The following C1orf94 variants were observed in gnomAD, a reference collection of about 807,000 sequenced individuals.
C1orf94 encodes chromosome 1 open reading frame 94.
Under a neutral mutation model 53.6 loss-of-function variants are expected in C1orf94, and 45 were observed. That is an observed-to-expected ratio of 0.84 (90% confidence interval 0.66 to 1.08). The LOEUF (loss-of-function observed/expected upper bound fraction) is 1.08. Ranked by LOEUF, C1orf94 falls within the 50% of genes least tolerant of loss-of-function variation. The pLI, the probability that C1orf94 is intolerant of heterozygous loss-of-function variation, is 0.00. For synonymous variants in C1orf94, 304 were observed against 296.1 expected (o/e 1.03, Z -0.27); for missense variants, 762 against 738.9 (o/e 1.03, Z -0.36).
intron 1 of C1orf94, among the ~76,000 whole-genome samples, chr1:34,178,714 G>A (rs1642268298): frequency 6.6e-6 from 1 of 152,244 alleles, no homozygotes; most frequent in Non-Finnish European, 1.5e-5. Flanking sequence ...GAAACACAGA[G>A]CTAAGTGTTT....
intron 1 of C1orf94, among the ~76,000 whole-genome samples, chr1:34,184,834 GT>G (rs897127185): frequency 2.8e-4 from 42 of 147,824 alleles, no homozygotes; most frequent in East Asian, 1.2e-3. Context: ...GTTTTTTTTG[GT>G]TTTTTTTTTA....
chr1:34,207,472 CT>C (rs1642818936), intron 4 of C1orf94, among the ~76,000 whole-genome samples: 1 of 152,178 alleles, frequency 6.6e-6, no homozygotes, highest in Non-Finnish European at 1.5e-5. Flanking sequence ...CTGTTCTAAG[CT>C]CTTTAGATGT....
At chr1:34,169,422 G>T (rs1476136773) in intron 1 of C1orf94, among the ~76,000 whole-genome samples, 1 of 152,184 alleles carries the variant, frequency 6.6e-6, no homozygotes, top group Non-Finnish European at 1.5e-5. Flanking sequence ...GCCCAATGCA[G>T]TCTAGTGACT....
upstream of C1orf94, among the ~76,000 whole-genome samples, chr1:34,176,156 G>C (rs1642222694): frequency 6.6e-6 from 1 of 152,028 alleles, no homozygotes; most frequent in East Asian, 1.9e-4. Context: ...ATTATGAATG[G>C]GGATGGGAGA....
At chr1:34,191,994 A>T (rs1402140812) in intron 1 of C1orf94, among the ~76,000 whole-genome samples, 1 of 152,172 alleles carries the variant, frequency 6.6e-6, no homozygotes, top group Non-Finnish European at 1.5e-5. Context: ...CACCGCGTGG[A>T]GCTGGAGCCG....
At chr1:34,205,329 A>G (rs1204399414) in intron 4 of C1orf94, among the ~76,000 whole-genome samples, 1 of 152,220 alleles carries the variant, frequency 6.6e-6, no homozygotes, top group Non-Finnish European at 1.5e-5. Context: ...GAAGGACAGC[A>G]TAATTTACCT....
At chr1:34,200,498 A>G (rs1348265071) in intron 2 of C1orf94, among the ~76,000 whole-genome samples, 2 of 152,168 alleles carry the variant, frequency 1.3e-5, no homozygotes, top group African/African-American at 2.4e-5. Flanking sequence ...GGATAAGTAG[A>G]CGGATAGAAG....
Position 34,219,016 on chromosome 1 carries a change from A to G in C1orf94, c.*255A>G. The G allele has an allele frequency of 6.2e-6, 2 of 322,596 alleles. No individual in the cohort carries two copies. Among genetic ancestry groups the G allele is most frequent in the Non-Finnish European group, 1.1e-5 (2 of 178,424 alleles). The allele number at this position is 322,596 out of a possible 1,614,324, so 20.0% of individuals were successfully genotyped here. Reference sequence around the variant, plus strand: ...TACTTGCTTGCTCAACCACTTATGCATCTATATTTAGCTAACATGAGTGAT... The same window carrying G: ...TACTTGCTTGCTCAACCACTTATGCGTCTATATTTAGCTAACATGAGTGAT... On this transcript the variant is annotated 3_prime_UTR_variant, in exon 7 of 7. Coordinates refer to ENST00000488417, the MANE Select transcript of C1orf94 (RefSeq NM_001134734.2).
At chr1:34,191,260 T>G (rs1317450120) in intron 1 of C1orf94, among the ~76,000 whole-genome samples, 1 of 152,214 alleles carries the variant, frequency 6.6e-6, no homozygotes, top group African/African-American at 2.4e-5. Context: ...GTTGGGGGGA[T>G]TAAAATGAGA....
At chr1:34,204,827 C>T (rs1403030248) in intron 4 of C1orf94, among the ~76,000 whole-genome samples, 2 of 150,836 alleles carry the variant, frequency 1.3e-5, no homozygotes, top group Non-Finnish European at 2.9e-5. Context: ...CTCAGGTGTT[C>T]AAGACTAGCC....
At chr1:34,175,951 T>C (rs894946560), upstream of C1orf94, among the ~76,000 whole-genome samples, 4 of 152,060 alleles carry the variant, frequency 2.6e-5, no homozygotes, top group African/African-American at 7.2e-5. Context: ...AACCTAATAG[T>C]TATTTTCCAT....
chr1:34,185,186 A>G (rs1571337768), intron 1 of C1orf94, among the ~76,000 whole-genome samples: 2 of 151,720 alleles, frequency 1.3e-5, no homozygotes, highest in African/African-American at 4.8e-5. Flanking sequence ...TTTTAAATTT[A>G]TTTTTATTTT....
intron 4 of C1orf94, among the ~76,000 whole-genome samples, chr1:34,205,572 A>T (rs1166268344): frequency 6.6e-6 from 1 of 151,972 alleles, no homozygotes; most frequent in Non-Finnish European, 1.5e-5. Context: ...GGTTGTAAGG[A>T]TTAATTGAGT....
At chr1:34,174,256 T>G (rs1375033136), upstream of C1orf94, among the ~76,000 whole-genome samples, 1 of 152,248 alleles carries the variant, frequency 6.6e-6, no homozygotes, top group African/African-American at 2.4e-5. Flanking sequence ...TCCAAAGGCA[T>G]GCATTTCAGT....
chr1:34,216,881 C>T (rs1642997527), intron 6 of C1orf94, among the ~76,000 whole-genome samples: 1 of 152,130 alleles, frequency 6.6e-6, no homozygotes, highest in African/African-American at 2.4e-5. Flanking sequence ...GAGTTTGAGA[C>T]CAGCCTGGCC....
At position 34,212,435 on chromosome 1, in the gene C1orf94, G is replaced by C. The variant is rs778654336; in HGVS notation, c.1721+29G>C. The C allele has an allele frequency of 8.8e-6, 14 of 1,583,416 alleles. No individual in the cohort carries two copies. The East Asian group carries it at 3.2e-4, about 36-fold the overall frequency. ...AGTCAGCCCACACTGGGAGCCTAAG[G>C]GTATCCAGAAAGCTGGTGGGAACGG... On this transcript the variant is annotated intron_variant, in intron 6 of 6. Transcript: ENST00000488417.
chr1:34,196,699 G>C (rs558447243), intron 1 of C1orf94, among the ~76,000 whole-genome samples: 1 of 152,260 alleles, frequency 6.6e-6, no homozygotes, highest in Non-Finnish European at 1.5e-5. Flanking sequence ...GATGGGAGTT[G>C]ACTGGATCAG....
chr1:34,187,385 A>G (rs1642399681), intron 1 of C1orf94, among the ~76,000 whole-genome samples: 1 of 152,116 alleles, frequency 6.6e-6, no homozygotes, highest in South Asian at 2.1e-4. Context: ...GCTTAGTACC[A>G]GGAGCCATGA....
chr1:34,199,569 G>C (rs962215692), intron 2 of C1orf94, among the ~76,000 whole-genome samples: 3 of 152,188 alleles, frequency 2.0e-5, no homozygotes, highest in Non-Finnish European at 4.4e-5. Context: ...ATTATCAACA[G>C]GTAACACTGA....
Sources: allele counts gnomAD v4.1 joint callset (sites outside exome capture counted in the v4.1 genomes callset), GRCh38; gene constraint gnomAD v4.1.1; transcripts MANE v1.5; gene names NCBI Gene and HGNC (gene_info 2026-07-23, HGNC 2026-07-21).